KLHL8: variants seen among roughly 807,000 people sequenced by gnomAD.
The protein encoded by KLHL8 is kelch-like protein 8.
KLHL8 carries 38 observed loss-of-function variants against 63.5 expected under a neutral mutation model. The observed-to-expected ratio is 0.60, with a 90% CI of 0.46 to 0.78. The LOEUF (loss-of-function observed/expected upper bound fraction) is 0.78. Among genes scored for constraint, KLHL8 ranks in the 30% least tolerant of loss-of-function variants. The pLI is 0.00. For synonymous variants in KLHL8, 224 were observed against 254.3 expected, an observed-to-expected ratio of 0.88 and a Z score of 1.13; for missense variants, 566 against 752.4, an observed-to-expected ratio of 0.75 and a Z score of 2.90.
At chr4:87,170,015 ACT>A in intron 8 of KLHL8, 62 bp downstream of exon 8, 1 of 1,261,728 alleles carries the variant, frequency 7.9e-7, no homozygotes, top group Non-Finnish European at 1.1e-6. Context: ...AATTTTTGTT[ACT>A]CTGTTATATG....
chr4:87,211,534 G>A (rs1163055637), intron 1 of KLHL8, among the ~76,000 whole-genome samples: 11 of 152,186 alleles, frequency 7.2e-5, no homozygotes, highest in Non-Finnish European at 1.2e-4. Flanking sequence ...GCTCAAGCCT[G>A]TAATCCCAGC....
intron 8 of KLHL8, 148 bp from the exon 9 acceptor site, chr4:87,164,227 T>G (rs752547218): frequency 3.2e-5 from 21 of 659,394 alleles, no homozygotes; most frequent in Non-Finnish European, 5.4e-5. Context: ...TCCCAATACC[T>G]GTCTACCACC....
At chr4:87,187,235 A>ATTG (rs1007133788) in intron 2 of KLHL8, among the ~76,000 whole-genome samples, 8 of 151,828 alleles carry the variant, frequency 5.3e-5, no homozygotes, top group African/African-American at 1.7e-4. Flanking sequence ...GAGTGTTGTT[A>ATTG]TTGTTGTTGT....
chr4:87,229,445 G>C (rs1002210529), intron 1 of KLHL8, among the ~76,000 whole-genome samples: 2 of 150,602 alleles, frequency 1.3e-5, no homozygotes, highest in Non-Finnish European at 3.0e-5. Context: ...TGGTGGGGGG[G>C]GGTGCAGGGA....
intron 8 of KLHL8, among the ~76,000 whole-genome samples, chr4:87,169,086 C>G (rs1730537463): frequency 6.6e-6 from 1 of 151,934 alleles, no homozygotes. Flanking sequence ...AGGAAGATCA[C>G]TTGAGGTCAG....
In KLHL8 at chr4:87,167,073, T is replaced by C. The variant is rs1730431407; in HGVS notation, c.1538-2994A>G. 1.1e-5 allele frequency: 4 copies of C among 348,390 alleles called. 1 individual carries two copies. The highest frequency in any genetic ancestry group is 8.9e-5 in the South Asian group (3 of 33,550). 21.6% of individuals were successfully genotyped at this position (348,390 alleles called of 1,614,324 possible). A position where few individuals can be genotyped will look rare whatever the true frequency, so the allele number is the denominator to read the frequency against. ...TACTCAAGACTCATGGCCTGTAACA[T>C]GTCCATGGGCTTTGGTGAGAGTTGG... On this transcript the variant is annotated intron_variant, in intron 8 of 9. Coordinates refer to ENST00000273963, the MANE Select transcript of KLHL8 (RefSeq NM_020803.5).
intron 8 of KLHL8, chr4:87,167,141 G>A: frequency 2.1e-6 from 1 of 487,072 alleles, no homozygotes; most frequent in South Asian, 1.8e-5. Flanking sequence ...ATTTTATCAA[G>A]ATAAAAGGAT....
At chr4:87,204,309 A>G (rs560127552) in intron 1 of KLHL8, among the ~76,000 whole-genome samples, 2 of 152,170 alleles carry the variant, frequency 1.3e-5, no homozygotes, top group South Asian at 4.1e-4. Context: ...AACAATACCA[A>G]GTGCTGGTGA....
At chr4:87,195,826 GC>G (rs1731674919) in intron 1 of KLHL8, 136 bp from the exon 2 acceptor site, 1 of 261,228 alleles carries the variant, frequency 3.8e-6, no homozygotes, top group African/African-American at 2.2e-5. Context: ...TTGTTTTTAT[GC>G]TAAATAACAC....
chr4:87,176,022 C>T (rs922389392), intron 6 of KLHL8, among the ~76,000 whole-genome samples: 3 of 152,132 alleles, frequency 2.0e-5, no homozygotes, highest in Non-Finnish European at 4.4e-5. Context: ...TTAGGCAATA[C>T]AATTAGACAA....
intron 1 of KLHL8, among the ~76,000 whole-genome samples, chr4:87,229,216 A>C (rs769370348): frequency 8.5e-5 from 13 of 152,152 alleles, no homozygotes; most frequent in Non-Finnish European, 1.8e-4. Flanking sequence ...ATATATGCCT[A>C]CTTGGTAGAG....
chr4:87,178,619 A>C lies in KLHL8; in HGVS notation c.954T>G (p.Gly318=), dbSNP rs1730928281. 1 of 1,563,762 alleles carries C rather than the reference A, an allele frequency of 6.4e-7. No homozygotes were observed. Among genetic ancestry groups the C allele is most frequent in the Non-Finnish European group, 8.6e-7 (1 of 1,161,660 alleles). Reference sequence around the variant, plus strand: ...CTCGACCACCTACACAAAACAGCACACCTAAAGGTAAAGCCACAAAATAGA... The same window carrying C: ...CTCGACCACCTACACAAAACAGCACCCCTAAAGGTAAAGCCACAAAATAGA... The part of the protein sequence containing the change: ...IRTTPRKHTA[G]VLFCVGGRGG... Residue 318 remains glycine (G), a splice_region_variant and synonymous_variant, in exon 5 of 10, where the codon GGT becomes GGG. Transcript: ENST00000273963.
chr4:87,185,451 C>T lies in KLHL8; in HGVS notation c.565G>A (p.Asp189Asn). Reference protein sequence around the residue: ...HNRIDLMDMADQYACDHFTEV... With the variant: ...HNRIDLMDMANQYACDHFTEV... ...GTAAAATGGTCACAGGCATACTGAT[C>T]CGCCATGTCCATTAAGTCTATTCGA... Residue 189 changes from aspartate to asparagine, a missense_variant, in exon 3 of 10, where the codon GAT becomes AAT. Physicochemically the swap from Asp to Asn is conservative, Grantham distance 23. Coordinates refer to ENST00000273963, the MANE Select transcript of KLHL8 (RefSeq NM_020803.5). The T allele has an allele frequency of 6.2e-7, 1 of 1,614,220 alleles. No homozygotes were observed. The highest frequency in any genetic ancestry group is 8.5e-7 in the Non-Finnish European group (1 of 1,180,036).
At chr4:87,180,909 G>A (rs1010738161) in intron 4 of KLHL8, among the ~76,000 whole-genome samples, 2 of 152,064 alleles carry the variant, frequency 1.3e-5, no homozygotes, top group Admixed American at 6.6e-5. Context: ...CTGGGTATGT[G>A]CCTATGATTC....
At chr4:87,203,895 T>C (rs1732018802) in intron 1 of KLHL8, among the ~76,000 whole-genome samples, 1 of 152,042 alleles carries the variant, frequency 6.6e-6, no homozygotes, top group Non-Finnish European at 1.5e-5. Flanking sequence ...GCAAACCACA[T>C]ATTTGACAAA....
rs925513831 is a variant in KLHL8 at position 87,170,373 on chromosome 4, A to C, written c.1377+74T>G. On this transcript the variant is annotated intron_variant, in intron 7 of 9. Coordinates refer to ENST00000273963, the MANE Select transcript of KLHL8 (RefSeq NM_020803.5). ...ATAATATCTTCATACTGGTGATGAT[A>C]TATTGGACCTTTCCTTATTTTGGTT... 11 of 1,473,658 alleles carry C rather than the reference A, an allele frequency of 7.5e-6. No individual in the cohort carries two copies. The African/African-American group carries it at 1.5e-4, about 21-fold the overall frequency. 91.3% of individuals were successfully genotyped at this position (1,473,658 alleles called of 1,614,324 possible).
At chr4:87,207,887 G>GC in intron 1 of KLHL8, 5 of 1,523,766 alleles carry the variant, frequency 3.3e-6, no homozygotes, top group Non-Finnish European at 3.6e-6. Context: ...ACATCGGAGG[G>GC]CCCCCTCAAG....
At chr4:87,200,152 A>G (rs1047244772) in intron 1 of KLHL8, among the ~76,000 whole-genome samples, 154 of 151,194 alleles carry the variant, frequency 1.0e-3, no homozygotes, top group African/African-American at 3.5e-3. Context: ...AAAAAAAAAA[A>G]AAAAAAAAGA....
intron 8 of KLHL8, 33 bp from the exon 9 acceptor site, chr4:87,164,112 C>T (rs1419250888): frequency 1.3e-6 from 2 of 1,536,766 alleles, no homozygotes; most frequent in Non-Finnish European, 1.8e-6. Context: ...AACAGCATTA[C>T]ATTCCTTAGA....
Sources: gnomAD v4.1 joint callset for allele counts (sites outside exome capture counted in the v4.1 genomes callset) on GRCh38, gnomAD v4.1.1 for gene constraint, MANE v1.5 for transcripts, NCBI Gene and HGNC (gene_info 2026-07-23, HGNC 2026-07-21) for gene names.